EIPR1: variants seen among roughly 807,000 people sequenced by gnomAD.
EIPR1 encodes EARP and GARP complex-interacting protein 1.
A neutral mutation model predicts 48.1 loss-of-function variants in EIPR1; 25 were observed. The observed-to-expected ratio is 0.52, with a 90% confidence interval of 0.38 to 0.73. The LOEUF is 0.73. Ranked by LOEUF, EIPR1 falls within the 30% of genes least tolerant of loss-of-function variation. The pLI is 0.00. For synonymous variants in EIPR1, 204 were observed against 201.9 expected (o/e 1.01, Z -0.09); for missense variants, 415 against 506.2 (o/e 0.82, Z 1.73).
intron 3 of EIPR1, among the ~76,000 whole-genome samples, chr2:3,314,236 C>A (rs754787635): frequency 6.6e-6 from 1 of 152,172 alleles, no homozygotes; most frequent in Non-Finnish European, 1.5e-5. Flanking sequence ...GTGGGACGCT[C>A]GTTCCCAAGT....
chr2:3,353,108 T>A, intron 2 of EIPR1: 1 of 395,574 alleles, frequency 2.5e-6, no homozygotes. Flanking sequence ...TTTTATTAGT[T>A]ATGTTGTTAA....
intron 4 of EIPR1, among the ~76,000 whole-genome samples, chr2:3,234,138 A>T (rs1666325639): frequency 6.6e-6 from 1 of 152,154 alleles, no homozygotes; most frequent in South Asian, 2.1e-4. Flanking sequence ...TATTACTGCT[A>T]GAATTAAAAA....
intron 5 of EIPR1, among the ~76,000 whole-genome samples, chr2:3,200,971 C>A (rs1380272710): frequency 1.3e-5 from 2 of 152,158 alleles, no homozygotes; most frequent in African/African-American, 4.8e-5. Flanking sequence ...GCAGCATGTG[C>A]AGCAGCTCGG....
intron 7 of EIPR1, among the ~76,000 whole-genome samples, chr2:3,193,663 A>G (rs1447842175): frequency 6.6e-6 from 1 of 152,172 alleles, no homozygotes; most frequent in Non-Finnish European, 1.5e-5. Context: ...AATTTACTTA[A>G]CCAGTCCCCT....
In EIPR1 at chr2:3,321,401, G is replaced by A. The variant is rs541957358; in HGVS notation, c.259+16616C>T. On this transcript the variant is annotated intron_variant, in intron 3 of 8. Transcript: ENST00000382125. ...GTGCAGCAGAGCGTCCTCTGCCCCC[G>A]CCGCCCCGTCTTTAAGCAGGCACTT... is the stretch of plus-strand genomic sequence containing the variant. Among the ~76,000 whole-genome samples the A allele has an allele frequency of 2.6e-5, 4 of 152,224 alleles. No homozygotes were observed. In the South Asian group the frequency reaches 6.2e-4, roughly 24 times the overall value.
chr2:3,365,648 T>C (rs993945373), intron 1 of EIPR1, among the ~76,000 whole-genome samples: 1 of 150,416 alleles, frequency 6.6e-6, no homozygotes, highest in Non-Finnish European at 1.5e-5. Flanking sequence ...CCGCAGTGTT[T>C]GTGTCCCTGG....
At chr2:3,200,136 C>CTTGG (rs1304401742) in intron 5 of EIPR1, among the ~76,000 whole-genome samples, 1 of 152,106 alleles carries the variant, frequency 6.6e-6, no homozygotes, top group African/African-American at 2.4e-5. Flanking sequence ...CTAGGAATCG[C>CTTGG]TTGGACAGGG....
intron 1 of EIPR1, among the ~76,000 whole-genome samples, chr2:3,372,150 T>C (rs997856145): frequency 5.3e-5 from 8 of 150,724 alleles, no homozygotes; most frequent in Non-Finnish European, 8.9e-5. Context: ...CATAATGAAA[T>C]GAAGGCAGAA....
rs147484237 is a variant in EIPR1 at position 3,249,856 on chromosome 2, G to A, written c.416+7443C>T. ...TCAAAGGGGCCATAGGTACAGTTCC[G>A]GCAGGTGCAAGCTATATGCCCTGGC... On this transcript the variant is annotated intron_variant, in intron 4 of 8. Coordinates refer to ENST00000382125, the MANE Select transcript of EIPR1 (RefSeq NM_003310.5). Among the ~76,000 whole-genome samples, 154 of 152,292 alleles carry A rather than the reference G, an allele frequency of 1.0e-3. 1 individual carries two copies. Among genetic ancestry groups the A allele is most frequent in the East Asian group, 8.3e-3 (43 of 5,180 alleles).
intron 4 of EIPR1, among the ~76,000 whole-genome samples, chr2:3,235,007 G>C (rs188828307): frequency 6.6e-6 from 1 of 152,332 alleles, no homozygotes; most frequent in Admixed American, 6.5e-5. Flanking sequence ...TTTCATAAAA[G>C]GTGAGAAAAG....
intron 8 of EIPR1, among the ~76,000 whole-genome samples, chr2:3,190,545 C>T (rs866885546): frequency 2.6e-4 from 40 of 152,132 alleles, no homozygotes; most frequent in Admixed American, 4.6e-4. Context: ...AAGAAGTCTG[C>T]GTAGCCCCGA....
intron 3 of EIPR1, among the ~76,000 whole-genome samples, chr2:3,326,446 C>A (rs550365325): frequency 2.0e-5 from 3 of 152,222 alleles, no homozygotes; most frequent in African/African-American, 7.2e-5. Context: ...GCCTCCACTG[C>A]CCTGCTCCCA....
At chr2:3,297,853 G>A (rs561376990) in intron 3 of EIPR1, among the ~76,000 whole-genome samples, 21 of 152,226 alleles carry the variant, frequency 1.4e-4, no homozygotes, top group African/African-American at 5.1e-4. Context: ...ATGGAGTCTC[G>A]TTCTGTCATC....
rs1334571674 is a variant in EIPR1, at chr2:3,257,431, CAT to C, written c.282_283del (p.Ala96SerfsTer18). 1.9e-6 allele frequency: 3 copies of C among 1,614,208 alleles called. No individual in the cohort carries two copies. Among genetic ancestry groups the C allele is most frequent in the Non-Finnish European group, 2.5e-6 (3 of 1,180,034 alleles). On this transcript the variant is annotated frameshift_variant, in exon 4 of 9. Coordinates refer to ENST00000382125, the MANE Select transcript of EIPR1 (RefSeq NM_003310.5). LOFTEE classifies it high-confidence loss of function. ...CTTCGGCATCCTCCACACGGCTGCA[CAT>C]GTCAGGACTTTGCTGTCTGAAGCTG...
chr2:3,336,493 C>T (rs569760964), intron 3 of EIPR1, among the ~76,000 whole-genome samples: 7 of 152,252 alleles, frequency 4.6e-5, no homozygotes, highest in Admixed American at 6.5e-5. Flanking sequence ...AAGGGCCGGG[C>T]GCAGTGGCTC....
intron 3 of EIPR1, among the ~76,000 whole-genome samples, chr2:3,301,974 C>T (rs1668774058): frequency 6.6e-6 from 1 of 152,184 alleles, no homozygotes; most frequent in East Asian, 1.9e-4. Context: ...ACAGGACCAC[C>T]ATGAGGGCTC....
chr2:3,228,629 T>A (rs1264322749), intron 4 of EIPR1, among the ~76,000 whole-genome samples: 2 of 152,194 alleles, frequency 1.3e-5, no homozygotes, highest in African/African-American at 4.8e-5. Flanking sequence ...GGTTTGGCTG[T>A]GTCCCCACCC....
intron 3 of EIPR1, among the ~76,000 whole-genome samples, chr2:3,305,546 C>G (rs1315577673): frequency 1.3e-5 from 2 of 151,996 alleles, no homozygotes; most frequent in Admixed American, 6.6e-5. Flanking sequence ...CAACCCTCCA[C>G]TGCCGTCCAG....
intron 3 of EIPR1, among the ~76,000 whole-genome samples, chr2:3,285,136 C>T (rs1446619974): frequency 2.0e-5 from 3 of 152,266 alleles, no homozygotes; most frequent in Admixed American, 6.5e-5. Context: ...GACAGTCCCC[C>T]GAGGTCAGCG....
Sources: gnomAD v4.1 joint callset for allele counts (sites outside exome capture counted in the v4.1 genomes callset) on GRCh38, gnomAD v4.1.1 for gene constraint, MANE v1.5 for transcripts, NCBI Gene and HGNC (gene_info 2026-07-23, HGNC 2026-07-21) for gene names.